The following NCOA2 variants were observed in gnomAD, a reference collection of about 807,000 sequenced individuals.
The protein encoded by NCOA2 is class E basic helix-loop-helix protein 75.
Under a neutral mutation model 145.1 loss-of-function variants are expected in NCOA2, and 21 were observed. The ratio of observed to expected loss-of-function variants is 0.14; its 90% CI spans 0.10 to 0.21. The LOEUF (loss-of-function observed/expected upper bound fraction) is 0.21. Ranked by LOEUF, NCOA2 falls within the 10% of genes least tolerant of loss-of-function variation. NCOA2 has a pLI of 1.00. For synonymous variants in NCOA2, 619 were observed against 637.5 expected, an observed-to-expected ratio of 0.97 and a Z score of 0.44; for missense variants, 1,472 against 1,837.6, an observed-to-expected ratio of 0.80 and a Z score of 3.64.
chr8:70,168,665 C>G (rs1813899130), intron 6 of NCOA2, among the ~76,000 whole-genome samples: 1 of 152,114 alleles, frequency 6.6e-6, no homozygotes, highest in African/African-American at 2.4e-5. Flanking sequence ...AAAGACTACA[C>G]AGAGTAGTCA....
chr8:70,409,893 A>AAGAG, the NCOA2 span, among the ~76,000 whole-genome samples: 1 of 151,086 alleles, frequency 6.6e-6, no homozygotes, highest in African/African-American at 2.4e-5. Context: ...GAAAGAATAA[A>AAGAG]AGAGAGAGAG....
At chr8:70,292,857 C>T (rs1461465475) in intron 2 of NCOA2, among the ~76,000 whole-genome samples, 8 of 152,134 alleles carry the variant, frequency 5.3e-5, no homozygotes, top group Non-Finnish European at 1.5e-5. Context: ...GAGTAAACTG[C>T]CTGTCAGTTT....
chr8:70,119,983 C>T (rs1291110211), intron 22 of NCOA2, among the ~76,000 whole-genome samples: 4 of 152,068 alleles, frequency 2.6e-5, no homozygotes, highest in African/African-American at 7.2e-5. Flanking sequence ...GATTCTCCCA[C>T]CTCAGCCTCC....
At chr8:70,273,417 A>G (rs1825221862) in intron 2 of NCOA2, 1 of 761,082 alleles carries the variant, frequency 1.3e-6, no homozygotes, top group Non-Finnish European at 2.0e-6. Context: ...GCCAAACTGC[A>G]GGCAAAAGTG....
At chr8:70,157,476 G>A (rs1812420803) in intron 10 of NCOA2, among the ~76,000 whole-genome samples, 1 of 152,042 alleles carries the variant, frequency 6.6e-6, no homozygotes, top group Non-Finnish European at 1.5e-5. Context: ...TTACAGAGGG[G>A]GTGTGTTTAA....
At chr8:70,172,767 G>A (rs1298543097) in intron 5 of NCOA2, among the ~76,000 whole-genome samples, 4 of 152,094 alleles carry the variant, frequency 2.6e-5, no homozygotes, top group East Asian at 3.9e-4. Context: ...AAAAGTACAT[G>A]TTGCTTCCTA....
At chr8:70,223,225 T>C (rs913979482) in intron 2 of NCOA2, among the ~76,000 whole-genome samples, 8 of 152,206 alleles carry the variant, frequency 5.3e-5, no homozygotes, top group African/African-American at 1.9e-4. Context: ...TGTGTTTGAG[T>C]TTCATAACTT....
chr8:70,264,074 TG>T (rs1373239697), intron 2 of NCOA2, among the ~76,000 whole-genome samples: 4 of 151,890 alleles, frequency 2.6e-5, no homozygotes, highest in African/African-American at 9.7e-5. Context: ...TAGCCAGACG[TG>T]GTGGCTTCTG....
chr8:70,266,872 T>C (rs1174417873), intron 2 of NCOA2, among the ~76,000 whole-genome samples: 1 of 152,154 alleles, frequency 6.6e-6, no homozygotes, highest in Non-Finnish European at 1.5e-5. Context: ...AATGTATATG[T>C]CAACCTCAAC....
the NCOA2 span, among the ~76,000 whole-genome samples, chr8:70,428,353 C>T: frequency 6.6e-6 from 1 of 152,036 alleles, no homozygotes. Context: ...TCAGCTACTC[C>T]AGAGGCTGAG....
intron 21 of NCOA2, 183 bp downstream of exon 21, chr8:70,123,697 GTTTA>G (rs1808083001): frequency 4.5e-6 from 2 of 444,976 alleles, no homozygotes; most frequent in Non-Finnish European, 7.8e-6. Flanking sequence ...AATCCTTTCT[GTTTA>G]TTTAATCATT....
At chr8:70,374,843 G>A (rs965210260) in intron 1 of NCOA2, among the ~76,000 whole-genome samples, 3 of 149,754 alleles carry the variant, frequency 2.0e-5, no homozygotes, top group Non-Finnish European at 3.0e-5. Flanking sequence ...ATGCCGATAC[G>A]TTAAAAAAAA....
chr8:70,127,241 T>G (rs1467852519), intron 18 of NCOA2, among the ~76,000 whole-genome samples, 194 bp from the exon 19 acceptor site: 4 of 152,188 alleles, frequency 2.6e-5, no homozygotes, highest in African/African-American at 9.7e-5. Context: ...TCTAAAGATA[T>G]GATTATTCTG....
chr8:70,218,205 T>TTG (rs1554597759), intron 2 of NCOA2, among the ~76,000 whole-genome samples: 1 of 150,678 alleles, frequency 6.6e-6, no homozygotes, highest in South Asian at 2.1e-4. Flanking sequence ...GTTAGTTTTT[T>TTG]TTTTTTTTTT....
the NCOA2 span, among the ~76,000 whole-genome samples, chr8:70,456,057 C>G: frequency 6.6e-6 from 1 of 151,112 alleles, no homozygotes; most frequent in Non-Finnish European, 1.5e-5. Context: ...ACTAGAGTAA[C>G]CATTGTAACA....
intron 2 of NCOA2, among the ~76,000 whole-genome samples, chr8:70,264,169 G>A (rs1203486017): frequency 3.3e-5 from 5 of 151,490 alleles, no homozygotes; most frequent in East Asian, 3.9e-4. Context: ...CCGAGATCAC[G>A]CCATTGCACT....
intron 16 of NCOA2, among the ~76,000 whole-genome samples, chr8:70,131,181 A>T (rs1809051386): frequency 6.8e-6 from 1 of 147,096 alleles, no homozygotes; most frequent in Non-Finnish European, 1.5e-5. Context: ...TGGCTGTGAC[A>T]TTTTATTTTT....
At chr8:70,278,974 C>CAA (rs533687539) in intron 2 of NCOA2, among the ~76,000 whole-genome samples, 25 of 127,554 alleles carry the variant, frequency 2.0e-4, no homozygotes, top group African/African-American at 5.4e-4. Flanking sequence ...CTCCCCCAAC[C>CAA]AAAAAAAAAA....
chr8:70,156,537 T>C lies in NCOA2; in HGVS notation c.1828A>G (p.Lys610Glu), dbSNP rs1812312257. 3 of 1,613,878 alleles carry C rather than the reference T, an allele frequency of 1.9e-6. No individual in the cohort carries two copies. The East Asian group carries it at 6.7e-5, about 36-fold the overall frequency. ...GGCAGGTTGGGGTCATTTGTTTCCT[T>C]TTGCTCTCCAGGATGGCAGCTGCTC... The part of the protein sequence containing the change: ...AESSCHPGEQ[K>E]ETNDPNLPPA... Residue 610 changes from lysine to glutamate, a missense_variant, in exon 11 of 23, where the codon AAG (lysine) becomes GAG (glutamate). Physicochemically the swap from Lys to Glu is moderately conservative, Grantham distance 56 (BLOSUM62 1). This residue lies in a region of NCOA2 where 953 missense variants were observed against 1,062.1 expected (regional missense o/e 0.90). Transcript: ENST00000452400.
Sources: allele counts gnomAD v4.1 joint callset (sites outside exome capture counted in the v4.1 genomes callset), GRCh38; gene constraint gnomAD v4.1.1; regional missense constraint gnomAD v4.1.1; transcripts MANE v1.5; gene names NCBI Gene and HGNC (gene_info 2026-07-23, HGNC 2026-07-21).